FARS2: variants seen among roughly 807,000 people sequenced by gnomAD.
FARS2 encodes phenylalanyl-tRNA synthetase 2, mitochondrial.
FARS2 carries 40 observed loss-of-function variants against 46.4 expected under a neutral mutation model. That is an observed-to-expected ratio of 0.86 (90% CI 0.67 to 1.12). FARS2 has a LOEUF of 1.12. Ranked by LOEUF, FARS2 falls within the 50% of genes most tolerant of loss-of-function variation. The pLI is 0.00. For missense variants in FARS2, 513 were observed against 567.9 expected, an observed-to-expected ratio of 0.90 and a Z score of 0.98; for synonymous variants, 234 against 214.9, an observed-to-expected ratio of 1.09 and a Z score of -0.78.
intron 5 of FARS2, among the ~76,000 whole-genome samples, chr6:5,588,395 T>C (rs1773736707): frequency 1.3e-5 from 2 of 152,156 alleles, no homozygotes; most frequent in South Asian, 4.1e-4. Flanking sequence ...GTGTTAACAT[T>C]CCTGATTTTT....
chr6:5,323,280 C>T (rs541724547), intron 1 of FARS2, among the ~76,000 whole-genome samples: 2 of 152,072 alleles, frequency 1.3e-5, no homozygotes, highest in South Asian at 4.2e-4. Flanking sequence ...GTTTATGCTC[C>T]ATAATTTATT....
At chr6:5,313,417 C>G (rs1388679996) in intron 1 of FARS2, among the ~76,000 whole-genome samples, 4 of 152,194 alleles carry the variant, frequency 2.6e-5, no homozygotes, top group Non-Finnish European at 5.9e-5. Context: ...AGGGCCGTTC[C>G]TTATCATTTT....
intron 6 of FARS2, among the ~76,000 whole-genome samples, chr6:5,668,801 T>C (rs1778289630): frequency 6.6e-6 from 1 of 151,722 alleles, no homozygotes; most frequent in East Asian, 1.9e-4. Flanking sequence ...TCAAGTGATT[T>C]TCCTGCCTCA....
intron 4 of FARS2, among the ~76,000 whole-genome samples, chr6:5,478,752 T>C (rs1766273945): frequency 6.6e-6 from 1 of 152,092 alleles, no homozygotes; most frequent in Non-Finnish European, 1.5e-5. Flanking sequence ...CTTCGGGCTG[T>C]GTATACCTAG....
chr6:5,492,437 A>G (rs569019354), intron 4 of FARS2, among the ~76,000 whole-genome samples: 26 of 152,354 alleles, frequency 1.7e-4, no homozygotes, highest in Non-Finnish European at 3.7e-4. Context: ...AGTAAAATGT[A>G]TTATGTAAAC....
chr6:5,331,100 G>A (rs1437556616), intron 1 of FARS2, among the ~76,000 whole-genome samples: 2 of 121,894 alleles, frequency 1.6e-5, no homozygotes, highest in African/African-American at 3.4e-5. Context: ...GTGAAACTCC[G>A]TTTAAAAAAA....
chr6:5,506,271 A>T (rs1256524277), intron 4 of FARS2, among the ~76,000 whole-genome samples: 2 of 152,212 alleles, frequency 1.3e-5, no homozygotes, highest in Non-Finnish European at 2.9e-5. Flanking sequence ...CTGAGCTCCT[A>T]GCGGGACTCA....
At chr6:5,591,550 A>G (rs550571212) in intron 5 of FARS2, among the ~76,000 whole-genome samples, 53 of 152,344 alleles carry the variant, frequency 3.5e-4, no homozygotes, top group African/African-American at 1.3e-3. Context: ...GTCCACTCGG[A>G]TGACCTGTTG....
chr6:5,635,932 T>G (rs758813670), intron 6 of FARS2, among the ~76,000 whole-genome samples: 3 of 152,214 alleles, frequency 2.0e-5, no homozygotes, highest in Non-Finnish European at 4.4e-5. Flanking sequence ...GATATGACAC[T>G]TTTGTATTAT....
Position 5,283,396 on chromosome 6 carries a change from CAAATT to C in FARS2, c.-22+21738_-22+21742del, listed in dbSNP as rs1472016285. Among the ~76,000 whole-genome samples the C allele has an allele frequency of 9.5e-3, 916 of 96,838 alleles. 10 individuals are homozygous for C. The highest frequency in any genetic ancestry group is 0.036 in the African/African-American group (874 of 23,948). 63.5% of individuals were successfully genotyped at this position (96,838 alleles called of 152,430 possible). On this transcript the variant is annotated intron_variant, in intron 1 of 6. Transcript: ENST00000274680. ...TCTCAAAAAAAAAAAAAAAAAAAAACAAATTAGCCAGGCGTCTTGGTGGGCATCTG... is the reference window on the plus strand; with the variant it reads ...TCTCAAAAAAAAAAAAAAAAAAAAACAGCCAGGCGTCTTGGTGGGCATCTG...
intron 4 of FARS2, among the ~76,000 whole-genome samples, chr6:5,518,640 CATT>C (rs1768954192): frequency 6.6e-6 from 1 of 152,144 alleles, no homozygotes; most frequent in Admixed American, 6.5e-5. Context: ...AAAAACCCAT[CATT>C]GATTCCATCA....
At chr6:5,528,410 A>G (rs969831118) in intron 4 of FARS2, among the ~76,000 whole-genome samples, 1 of 152,226 alleles carries the variant, frequency 6.6e-6, no homozygotes, top group Non-Finnish European at 1.5e-5. Flanking sequence ...CAGGATGTTT[A>G]AAGTGACCTC....
intron 5 of FARS2, among the ~76,000 whole-genome samples, chr6:5,610,926 G>A (rs1775145916): frequency 1.3e-5 from 2 of 152,218 alleles, no homozygotes; most frequent in Non-Finnish European, 2.9e-5. Context: ...ACTAGCTCAC[G>A]CAGTTAGAAG....
chr6:5,691,162 A>G (rs938781039), intron 6 of FARS2, among the ~76,000 whole-genome samples: 22 of 152,190 alleles, frequency 1.4e-4, no homozygotes, highest in African/African-American at 5.3e-4. Flanking sequence ...GAGTAGTTTG[A>G]TCGTCTGAAG....
At chr6:5,405,095 C>T (rs995867623) in intron 3 of FARS2, among the ~76,000 whole-genome samples, 1 of 152,110 alleles carries the variant, frequency 6.6e-6, no homozygotes, top group Admixed American at 6.5e-5. Flanking sequence ...CCGCGCCAGG[C>T]CTGAAATTCT....
In FARS2 at chr6:5,718,831, A is replaced by C. The variant is rs575207682; in HGVS notation, c.1218-52460A>C. Among the ~76,000 whole-genome samples the C allele has an allele frequency of 1.9e-4, 29 of 152,320 alleles. No homozygotes were observed. In the South Asian group the frequency reaches 6.0e-3, roughly 32 times the overall value. ...TGCTTTTATTTGATCCTGGCGTATT[A>C]AATTCAGGTTAGGTGTGTTGCAAAA... is the stretch of plus-strand genomic sequence containing the variant. On this transcript the variant is annotated intron_variant, in intron 6 of 6. Coordinates refer to ENST00000274680, the MANE Select transcript of FARS2 (RefSeq NM_006567.5).
chr6:5,640,084 A>T (rs1776735204), intron 6 of FARS2, among the ~76,000 whole-genome samples: 1 of 150,850 alleles, frequency 6.6e-6, no homozygotes, highest in Admixed American at 6.6e-5. Flanking sequence ...CTTTTGGGGG[A>T]GTGTGTGTGT....
At chr6:5,767,027 G>A (rs376473566) in intron 6 of FARS2, among the ~76,000 whole-genome samples, 22 of 151,486 alleles carry the variant, frequency 1.5e-4, no homozygotes, top group African/African-American at 5.3e-4. Flanking sequence ...ATTCCATTGT[G>A]TGGATATACC....
At chr6:5,599,473 G>A (rs969448557) in intron 5 of FARS2, among the ~76,000 whole-genome samples, 1 of 152,164 alleles carries the variant, frequency 6.6e-6, no homozygotes, top group African/African-American at 2.4e-5. Flanking sequence ...AAAAATGAAC[G>A]TAAAAGATTA....
Sources: gnomAD v4.1 joint callset for allele counts (sites outside exome capture counted in the v4.1 genomes callset) on GRCh38, gnomAD v4.1.1 for gene constraint, MANE v1.5 for transcripts, NCBI Gene and HGNC (gene_info 2026-07-23, HGNC 2026-07-21) for gene names.